The following ATG10 variants were observed in gnomAD, a reference collection of about 807,000 sequenced individuals.
ATG10 encodes the protein ubiquitin-like-conjugating enzyme ATG10.
ATG10 carries 30 observed loss-of-function variants against 32.1 expected under a neutral mutation model. The ratio of observed to expected loss-of-function variants is 0.94; its 90% CI spans 0.70 to 1.27. The LOEUF (loss-of-function observed/expected upper bound fraction) is 1.27, where lower values mean the gene tolerates loss of function less well. ATG10 is among the 50% of genes most tolerant of loss of function. The pLI, the probability that ATG10 is intolerant of heterozygous loss-of-function variation, is 0.00. For missense variants in ATG10, 233 were observed against 262.3 expected, an observed-to-expected ratio of 0.89 and a Z score of 0.77; for synonymous variants, 87 against 91.5, an observed-to-expected ratio of 0.95 and a Z score of 0.28.
Position 82,058,561 on chromosome 5 carries a change from C to G in ATG10, c.175C>G (p.Leu59Val). 6.2e-7 allele frequency: 1 copy of G among 1,613,112 alleles called. No individual in the cohort carries two copies. The highest frequency in any genetic ancestry group is 8.5e-7 in the Non-Finnish European group (1 of 1,179,266). ...TAAGAATGGGTCTGTGATGTCACAT[C>G]TAGGAGCATCTACCCATGGACAGAC... ...QIKNGSVMSH[L>V]GASTHGQTCL... The change falls in exon 3 of 8, where the codon CTA (leucine) becomes GTA (valine). Residue 59 changes from leucine (L) to valine (V), a missense_variant. By Grantham distance (32) the Leu-to-Val change is conservative. Coordinates refer to ENST00000282185, the MANE Select transcript of ATG10 (RefSeq NM_031482.5).
intron 3 of ATG10, among the ~76,000 whole-genome samples, chr5:82,094,212 C>T (rs778033592): frequency 2.6e-5 from 4 of 152,076 alleles, no homozygotes; most frequent in Non-Finnish European, 5.9e-5. Context: ...GCTTTTTTCT[C>T]ATATCTCAGG....
At chr5:81,991,817 A>T (rs1761471208) in intron 2 of ATG10, among the ~76,000 whole-genome samples, 1 of 151,932 alleles carries the variant, frequency 6.6e-6, no homozygotes, top group South Asian at 2.1e-4. Flanking sequence ...AAACTTATCT[A>T]TACCTATGTA....
rs80055411 is a variant in ATG10 at position 82,229,928 on chromosome 5, C to T, written c.454-22634C>T. ...TCACGTCATATAATGCAGGCCTGTT[C>T]GTATACAGATTGGAGCCTTGGCAAA... On this transcript the variant is annotated intron_variant, in intron 5 of 7. Transcript: ENST00000282185. Among the ~76,000 whole-genome samples the T allele has an allele frequency of 5.5e-3, 842 of 152,250 alleles. 2 individuals are homozygous for T. The highest frequency in any genetic ancestry group is 8.9e-3 in the Non-Finnish European group (606 of 68,018).
intron 2 of ATG10, chr5:82,010,120 C>T (rs1317175772): frequency 9.6e-6 from 15 of 1,555,328 alleles, no homozygotes; most frequent in Admixed American, 1.7e-5. Flanking sequence ...TTTTCCTCGG[C>T]GGCGTCATCT....
At chr5:82,054,224 T>C (rs919282588) in intron 2 of ATG10, among the ~76,000 whole-genome samples, 3 of 152,184 alleles carry the variant, frequency 2.0e-5, no homozygotes, top group African/African-American at 7.2e-5. Flanking sequence ...ATGTGCAGCT[T>C]GGATTGAGAA....
At chr5:82,143,344 C>T (rs537934631) in intron 3 of ATG10, among the ~76,000 whole-genome samples, 1 of 152,248 alleles carries the variant, frequency 6.6e-6, no homozygotes, top group East Asian at 1.9e-4. Context: ...GGTGAATAAG[C>T]CCAGCACAGA....
At chr5:82,180,661 A>G (rs768370494) in intron 5 of ATG10, among the ~76,000 whole-genome samples, 1 of 152,176 alleles carries the variant, frequency 6.6e-6, no homozygotes, top group African/African-American at 2.4e-5. Context: ...TGTAAGAGTC[A>G]AGAAAGATGG....
At chr5:82,176,917 A>G (rs966797604) in intron 4 of ATG10, among the ~76,000 whole-genome samples, 1 of 152,240 alleles carries the variant, frequency 6.6e-6, no homozygotes, top group Non-Finnish European at 1.5e-5. Flanking sequence ...CTATTTATTG[A>G]AAATAAAGGT....
intron 1 of ATG10, among the ~76,000 whole-genome samples, chr5:81,985,954 G>A (rs1761254624): frequency 2.0e-5 from 3 of 152,224 alleles, no homozygotes; most frequent in Middle Eastern, 3.4e-3. Flanking sequence ...TAGTAGCGAC[G>A]GGGTTTCACT....
intron 3 of ATG10, among the ~76,000 whole-genome samples, chr5:82,062,522 T>C (rs1763817376): frequency 6.6e-6 from 1 of 152,212 alleles, no homozygotes; most frequent in Non-Finnish European, 1.5e-5. Flanking sequence ...CCTGTTTTGG[T>C]TGGATATAAC....
intron 3 of ATG10, among the ~76,000 whole-genome samples, chr5:82,141,899 C>A (rs1332900230): frequency 6.6e-6 from 1 of 151,798 alleles, no homozygotes; most frequent in Non-Finnish European, 1.5e-5. Context: ...CTCATATCAT[C>A]TTCTCAACAT....
At chr5:81,992,697 C>A (rs1462692963) in intron 2 of ATG10, among the ~76,000 whole-genome samples, 1 of 152,146 alleles carries the variant, frequency 6.6e-6, no homozygotes, top group African/African-American at 2.4e-5. Flanking sequence ...AGCCACCGAG[C>A]CTGGCCCATT....
rs545002439 is a variant in ATG10, at chr5:82,106,688, A to G, written c.216+48086A>G. 1.6e-3 allele frequency among the ~76,000 whole-genome samples: 236 copies of G among 152,118 alleles called. 2 individuals are homozygous for G. Among genetic ancestry groups the G allele is most frequent in the African/African-American group, 5.5e-3 (228 of 41,484 alleles). On this transcript the variant is annotated intron_variant, in intron 3 of 7. Transcript: ENST00000282185. ...TTACTATGGTATCATTTTCTTAACA[A>G]TGGACTATCATAAGCTATATCATAG...
At chr5:82,106,341 G>A (rs1409153490) in intron 3 of ATG10, among the ~76,000 whole-genome samples, 1 of 152,072 alleles carries the variant, frequency 6.6e-6, no homozygotes, top group Non-Finnish European at 1.5e-5. Flanking sequence ...CACTTGTTTA[G>A]TCACGGGATC....
intron 3 of ATG10, among the ~76,000 whole-genome samples, chr5:82,143,949 A>G (rs1486734868): frequency 2.0e-5 from 3 of 152,208 alleles, no homozygotes; most frequent in African/African-American, 4.8e-5. Context: ...TTACCAGTGA[A>G]GCCATCTGGG....
At chr5:82,024,732 C>A (rs1364450634) in intron 2 of ATG10, among the ~76,000 whole-genome samples, 1 of 152,152 alleles carries the variant, frequency 6.6e-6, no homozygotes, top group African/African-American at 2.4e-5. Flanking sequence ...GAGAAAACAG[C>A]CTGATGACCC....
intron 3 of ATG10, among the ~76,000 whole-genome samples, chr5:82,085,860 T>C (rs1764668467): frequency 6.6e-6 from 1 of 151,504 alleles, no homozygotes; most frequent in Non-Finnish European, 1.5e-5. Flanking sequence ...AATTATCCCC[T>C]ATTAGACCCT....
intron 3 of ATG10, among the ~76,000 whole-genome samples, chr5:82,117,234 A>G (rs1219581330): frequency 6.6e-6 from 1 of 152,140 alleles, no homozygotes; most frequent in Admixed American, 6.6e-5. Flanking sequence ...TATGCAAAAG[A>G]CAATGGAAAC....
chr5:82,229,024 T>C (rs1746244276), intron 5 of ATG10, among the ~76,000 whole-genome samples: 1 of 152,242 alleles, frequency 6.6e-6, no homozygotes, highest in Non-Finnish European at 1.5e-5. Flanking sequence ...ATATCTTCAG[T>C]GTTTCACAGA....
Sources: gnomAD v4.1 joint callset for allele counts (sites outside exome capture counted in the v4.1 genomes callset) on GRCh38, gnomAD v4.1.1 for gene constraint, MANE v1.5 for transcripts, NCBI Gene and HGNC (gene_info 2026-07-23, HGNC 2026-07-21) for gene names.